LAMC1: variants seen among roughly 807,000 people sequenced by gnomAD.
LAMC1 encodes the protein laminin subunit gamma 1, also known as laminin subunit gamma-1.
Under a neutral mutation model 173.6 loss-of-function variants are expected in LAMC1, and 38 were observed. The observed-to-expected ratio is 0.22, with a 90% CI of 0.17 to 0.29. The LOEUF is 0.29. Among genes scored for constraint, LAMC1 ranks in the 10% least tolerant of loss-of-function variants. The pLI is 1.00. For missense variants in LAMC1, 1,824 were observed against 2,051.8 expected (o/e 0.89, Z 2.14); for synonymous variants, 746 against 749.1 (o/e 1.00, Z 0.07).
At chr1:183,103,215 A>G (rs1558048674) in intron 1 of LAMC1, 113 bp from the exon 2 acceptor site, 6 of 963,974 alleles carry the variant, frequency 6.2e-6, no homozygotes, top group Middle Eastern at 2.2e-4. Flanking sequence ...TCTTGGTTTG[A>G]TGTGTACAAG....
intron 4 of LAMC1, among the ~76,000 whole-genome samples, chr1:183,113,704 G>C (rs1656233341): frequency 6.6e-6 from 1 of 152,052 alleles, no homozygotes; most frequent in Non-Finnish European, 1.5e-5. Context: ...CACTAATTTT[G>C]ACCCATATGT....
intron 11 of LAMC1, among the ~76,000 whole-genome samples, chr1:183,118,687 C>A (rs907823771): frequency 2.0e-5 from 3 of 150,294 alleles, no homozygotes; most frequent in Admixed American, 1.3e-4. Context: ...CATGCCACTG[C>A]ATTCCAGCCT....
At chr1:183,116,741 A>C in intron 7 of LAMC1, 26 bp from the exon 8 acceptor site, 1 of 1,612,922 alleles carries the variant, frequency 6.2e-7, no homozygotes, top group Non-Finnish European at 8.5e-7. Flanking sequence ...AAAAAAAGTA[A>C]CTGATTGTGT....
At chr1:183,125,327 A>T in intron 14 of LAMC1, 70 bp from the exon 15 acceptor site, 1 of 1,529,336 alleles carries the variant, frequency 6.5e-7, no homozygotes, top group Non-Finnish European at 9.1e-7. Flanking sequence ...GAATCTCTTT[A>T]GGTTGTTTAT....
At chr1:183,118,371 A>C (rs1656379490) in intron 11 of LAMC1, among the ~76,000 whole-genome samples, 1 of 152,136 alleles carries the variant, frequency 6.6e-6, no homozygotes, top group Non-Finnish European at 1.5e-5. Context: ...CTAATTGATT[A>C]CTCAATTGAT....
At chr1:183,107,452 AATG>A (rs1656009318) in intron 2 of LAMC1, among the ~76,000 whole-genome samples, 1 of 152,288 alleles carries the variant, frequency 6.6e-6, no homozygotes, top group East Asian at 1.9e-4. Context: ...AAGCCTAAGT[AATG>A]ATTTATTAGC....
intron 1 of LAMC1, among the ~76,000 whole-genome samples, chr1:183,094,569 G>T (rs1246111528): frequency 6.6e-6 from 1 of 152,162 alleles, no homozygotes; most frequent in Non-Finnish European, 1.5e-5. Flanking sequence ...TTTGTTGAAT[G>T]AATGGAAGAA....
chr1:183,054,614 C>T (rs1423945317), intron 1 of LAMC1, among the ~76,000 whole-genome samples: 1 of 152,156 alleles, frequency 6.6e-6, no homozygotes, highest in Non-Finnish European at 1.5e-5. Context: ...CTTAGGGTTT[C>T]AAGATTAACC....
intron 24 of LAMC1, 62 bp from the exon 25 acceptor site, chr1:183,136,324 T>C: frequency 6.8e-7 from 1 of 1,460,726 alleles, no homozygotes; most frequent in East Asian, 2.3e-5. Context: ...TGGAACTCCC[T>C]GAAAGGCCCC....
chr1:183,075,352 G>A (rs949830689), intron 1 of LAMC1, among the ~76,000 whole-genome samples: 3 of 152,146 alleles, frequency 2.0e-5, no homozygotes, highest in Admixed American at 2.0e-4. Flanking sequence ...CTGGACTCAA[G>A]CAATCCACCC....
At position 183,138,265 on chromosome 1, in the gene LAMC1, CAT is replaced by C. The variant is rs1435293657; in HGVS notation, c.4473+441_4473+442del. The C allele has an allele frequency of 1.8e-4, 155 of 840,698 alleles. 1 individual carries two copies. Among genetic ancestry groups the C allele is most frequent in the Non-Finnish European group, 2.1e-4 (150 of 697,952 alleles). 52.1% of individuals were successfully genotyped at this position (840,698 alleles called of 1,614,324 possible). A position where few individuals can be genotyped will look rare whatever the true frequency, so the allele number is the denominator to read the frequency against. ...GGCATTGTCTACCACCCCACCAAAA[CAT>C]ATGAAACTTACATCTAGTTTAATTT... On this transcript the variant is annotated intron_variant, in intron 26 of 27. Coordinates refer to ENST00000258341, the MANE Select transcript of LAMC1 (RefSeq NM_002293.4).
rs377687018 is a variant in LAMC1, at chr1:183,121,715, A to G, written c.1991-8A>G. On this transcript the variant is annotated splice_region_variant and splice_polypyrimidine_tract_variant and intron_variant, in intron 11 of 27. Coordinates refer to ENST00000258341, the MANE Select transcript of LAMC1 (RefSeq NM_002293.4). ...GTTCAGTGATTTTCTTTTCCTCACT[A>G]TACACAGGTGCTGGATATTTGGATG... is the stretch of plus-strand genomic sequence containing the variant. 153 of 1,611,840 alleles carry G rather than the reference A, an allele frequency of 9.5e-5. No homozygotes were observed. The highest frequency in any genetic ancestry group is 1.3e-4 in the Admixed American group (8 of 59,900).
At chr1:183,056,825 G>C (rs1250424155) in intron 1 of LAMC1, among the ~76,000 whole-genome samples, 1 of 152,200 alleles carries the variant, frequency 6.6e-6, no homozygotes, top group African/African-American at 2.4e-5. Flanking sequence ...CCTGGAAATA[G>C]GAGATTATGT....
chr1:183,110,545 G>T lies in LAMC1; in HGVS notation c.912G>T (p.Val304=), dbSNP rs573334274. 14 of 1,613,930 alleles carry T rather than the reference G, an allele frequency of 8.7e-6. No individual in the cohort carries two copies. Among genetic ancestry groups the T allele is most frequent in the Non-Finnish European group, 1.2e-5 (14 of 1,179,840 alleles). The change falls in exon 4 of 28, where the codon GTG becomes GTT. Residue 304 remains valine (V), a synonymous_variant. Transcript: ENST00000258341. ...ECMKNEFDKL[V]CNCKHNTYGV... is the part of the protein sequence containing the mutation. ...TGAAGAACGAATTTGATAAGCTGGTGTGTAATTGCAAACATAACACATATG... is the reference window on the plus strand; with the variant it reads ...TGAAGAACGAATTTGATAAGCTGGTTTGTAATTGCAAACATAACACATATG...
chr1:183,034,371 A>G (rs1214149107), intron 1 of LAMC1, among the ~76,000 whole-genome samples: 1 of 152,142 alleles, frequency 6.6e-6, no homozygotes, highest in Non-Finnish European at 1.5e-5. Flanking sequence ...CCCGGGTTCA[A>G]GTGATTCTCC....
intron 1 of LAMC1, among the ~76,000 whole-genome samples, chr1:183,051,687 C>T (rs1310338687): frequency 2.0e-5 from 3 of 152,166 alleles, no homozygotes; most frequent in Non-Finnish European, 4.4e-5. Flanking sequence ...GGAATGGTTG[C>T]TTAGAAGAAC....
At chr1:183,125,982 C>A in intron 15 of LAMC1, 138 bp from the exon 16 acceptor site, 1 of 820,138 alleles carries the variant, frequency 1.2e-6, no homozygotes, top group Non-Finnish European at 1.9e-6. Flanking sequence ...TAACCCTTAA[C>A]ATTCCATCTT....
Position 183,103,176 on chromosome 1 carries a change from G to A in LAMC1, c.419-152G>A, listed in dbSNP as rs1016036844. The stretch of plus-strand genomic sequence containing the variant: ...AGTTTGTCATTTTGGGGGAAAATAC[G>A]TAGTTTTCTGTTTTAGAATAGCCTG... On this transcript the variant is annotated intron_variant, in intron 1 of 27. Coordinates refer to ENST00000258341, the MANE Select transcript of LAMC1 (RefSeq NM_002293.4). The A allele has an allele frequency of 3.3e-5, 26 of 780,040 alleles. No individual in the cohort carries two copies. The Middle Eastern group carries it at 7.4e-4, about 22-fold the overall frequency. The allele number at this position is 780,040 out of a possible 1,614,324, so 48.3% of individuals were successfully genotyped here. A position where few individuals can be genotyped will look rare whatever the true frequency, so the allele number is the denominator to read the frequency against.
chr1:183,135,198 T>A, intron 24 of LAMC1, 42 bp downstream of exon 24: 1 of 1,191,930 alleles, frequency 8.4e-7, no homozygotes, highest in Non-Finnish European at 1.2e-6. Flanking sequence ...CTTCCGCCAC[T>A]AGAGTGATTT....
Sources: gnomAD v4.1 joint callset for allele counts (sites outside exome capture counted in the v4.1 genomes callset) on GRCh38, gnomAD v4.1.1 for gene constraint, MANE v1.5 for transcripts, NCBI Gene and HGNC (gene_info 2026-07-23, HGNC 2026-07-21) for gene names.